The following ABCC4 variants were observed in gnomAD, a reference collection of about 807,000 sequenced individuals.
ABCC4 encodes ATP binding cassette subfamily C member 4 (PEL blood group), also known as ATP-binding cassette sub-family C member 4.
ABCC4 carries 102 observed loss-of-function variants against 168.5 expected under a neutral mutation model. That is an observed-to-expected ratio of 0.61 (90% CI 0.52 to 0.71). ABCC4 has a LOEUF of 0.71. Ranked by LOEUF, ABCC4 falls within the 30% of genes least tolerant of loss-of-function variation. The pLI is 0.00. For missense variants in ABCC4, 1,402 were observed against 1,605.8 expected (o/e 0.87, Z 2.17); for synonymous variants, 617 against 590.7 (o/e 1.04, Z -0.65).
chr13:95,064,482 CACAT>C (rs1402055633), intron 25 of ABCC4, among the ~76,000 whole-genome samples: 1 of 133,594 alleles, frequency 7.5e-6, no homozygotes, highest in African/African-American at 2.7e-5. Flanking sequence ...CTCTCTCACA[CACAT>C]ACACACACAC....
At chr13:95,124,979 A>G (rs531658745) in intron 19 of ABCC4, among the ~76,000 whole-genome samples, 17 of 152,290 alleles carry the variant, frequency 1.1e-4, no homozygotes, top group African/African-American at 3.4e-4. Context: ...CAAACCTAGA[A>G]GAGTGAACTC....
At chr13:95,152,062 C>T (rs899498) in intron 19 of ABCC4, among the ~76,000 whole-genome samples, 4 of 151,854 alleles carry the variant, frequency 2.6e-5, no homozygotes, top group African/African-American at 9.7e-5. Flanking sequence ...ACTAAACCCC[C>T]AAAAAAGTTA....
rs1320106844 is a variant in ABCC4 at position 95,053,127 on chromosome 13, T to G, written c.3424A>C (p.Thr1142Pro). ...RKNLDPFNEH[T>P]DEELWNALQE... ...AAGGCATTCCACAGTTCCTCATCCGTGTGCTCATTAAAGGGATCCAGGTTT... is the reference window on the plus strand; with the variant it reads ...AAGGCATTCCACAGTTCCTCATCCGGGTGCTCATTAAAGGGATCCAGGTTT... Residue 1142 changes from threonine (T) to proline (P), a missense_variant, in exon 27 of 31, where the codon ACG becomes CCG. This residue lies in a region of ABCC4 where 1,007 missense variants were observed against 1,127.3 expected (regional missense o/e 0.89). Coordinates refer to ENST00000645237, the MANE Select transcript of ABCC4 (RefSeq NM_005845.5). The G allele has an allele frequency of 1.2e-6, 2 of 1,614,166 alleles. No homozygotes were observed. The highest frequency in any genetic ancestry group is 8.5e-7 in the Non-Finnish European group (1 of 1,179,998).
chr13:95,176,227 G>GC (rs2037687973), intron 13 of ABCC4, among the ~76,000 whole-genome samples: 6 of 37,732 alleles, frequency 1.6e-4, no homozygotes, highest in African/African-American at 1.2e-3. Context: ...CGAGGGCAGG[G>GC]GGGGGGGGGG....
At chr13:95,054,505 G>A (rs997336433) in intron 26 of ABCC4, among the ~76,000 whole-genome samples, 4 of 151,528 alleles carry the variant, frequency 2.6e-5, no homozygotes, top group East Asian at 1.9e-4. Flanking sequence ...CCAAGATTCC[G>A]TCACTGCACT....
chr13:95,280,416 CAAAAA>C (rs10708482), intron 1 of ABCC4, among the ~76,000 whole-genome samples: 1 of 90,482 alleles, frequency 1.1e-5, no homozygotes, highest in Admixed American at 1.2e-4. Context: ...GACTCCATCT[CAAAAA>C]AAAAAAAAAA....
Position 95,161,164 on chromosome 13 carries a change from C to A in ABCC4, c.2455+25G>T, listed in dbSNP as rs146286020. ...ATGTGTTGTTAACAAGACATACTTA[C>A]TGAGAAACTTGGTGTCAGACTTACC... On this transcript the variant is annotated intron_variant, in intron 19 of 30. Transcript: ENST00000645237. 106 of 1,563,342 alleles carry A rather than the reference C, an allele frequency of 6.8e-5. No homozygotes were observed. In the African/African-American group the frequency reaches 1.2e-3, roughly 17 times the overall value.
chr13:95,259,944 C>A (rs1452810059), intron 1 of ABCC4, among the ~76,000 whole-genome samples: 1 of 152,094 alleles, frequency 6.6e-6, no homozygotes, highest in East Asian at 1.9e-4. Context: ...AACATCCCAG[C>A]TCACGAGACT....
chr13:95,220,677 C>G (rs142581979), intron 4 of ABCC4, among the ~76,000 whole-genome samples: 91 of 152,282 alleles, frequency 6.0e-4, no homozygotes, highest in East Asian at 3.7e-3. Flanking sequence ...GAAAAATGCA[C>G]AGAGAGAGGA....
chr13:95,095,328 ATCTAT>A (rs2034558659), intron 20 of ABCC4, among the ~76,000 whole-genome samples: 1 of 151,442 alleles, frequency 6.6e-6, no homozygotes, highest in African/African-American at 2.4e-5. Flanking sequence ...CTATCTATCT[ATCTAT>A]CTATCTGATG....
At chr13:95,159,252 C>T (rs2037005515) in intron 19 of ABCC4, among the ~76,000 whole-genome samples, 1 of 150,814 alleles carries the variant, frequency 6.6e-6, no homozygotes, top group Non-Finnish European at 1.5e-5. Flanking sequence ...TTTAATTCTA[C>T]CATTAAAAAA....
intron 4 of ABCC4, among the ~76,000 whole-genome samples, chr13:95,218,750 C>A (rs181423949): frequency 6.6e-6 from 1 of 151,688 alleles, no homozygotes; most frequent in African/African-American, 2.4e-5. Context: ...ACTCAGGAGG[C>A]TGAGGTGGAA....
intron 19 of ABCC4, among the ~76,000 whole-genome samples, chr13:95,136,902 C>T (rs1284879902): frequency 6.6e-6 from 1 of 152,244 alleles, no homozygotes; most frequent in Non-Finnish European, 1.5e-5. Flanking sequence ...TTCCCACATT[C>T]ATCACATTCG....
intron 8 of ABCC4, among the ~76,000 whole-genome samples, chr13:95,200,210 A>G (rs1010638840): frequency 3.0e-4 from 46 of 152,334 alleles, no homozygotes; most frequent in African/African-American, 1.0e-3. Context: ...AGAGTCAATG[A>G]CTAAGTGAAT....
chr13:95,282,442 A>G (rs371544244), intron 1 of ABCC4, among the ~76,000 whole-genome samples: 2 of 152,236 alleles, frequency 1.3e-5, no homozygotes, highest in African/African-American at 4.8e-5. Flanking sequence ...TGTTTAATGA[A>G]ACAGAATCGA....
chr13:95,104,788 C>T (rs1347581477), intron 20 of ABCC4, among the ~76,000 whole-genome samples: 1 of 152,138 alleles, frequency 6.6e-6, no homozygotes, highest in Non-Finnish European at 1.5e-5. Flanking sequence ...ATGGGGTCCG[C>T]CAGAGGCAGC....
At chr13:95,165,833 G>A (rs1037659909) in intron 15 of ABCC4, among the ~76,000 whole-genome samples, 1 of 152,118 alleles carries the variant, frequency 6.6e-6, no homozygotes, top group Non-Finnish European at 1.5e-5. Flanking sequence ...GAAGTCGGGG[G>A]CCACCAGACT....
intron 26 of ABCC4, among the ~76,000 whole-genome samples, chr13:95,062,426 A>T (rs1387430342): frequency 6.6e-6 from 1 of 152,072 alleles, no homozygotes; most frequent in Non-Finnish European, 1.5e-5. Flanking sequence ...CTTTATGGTT[A>T]TCAGTGGATA....
chr13:95,029,057 A>C (rs2031682148), intron 30 of ABCC4, among the ~76,000 whole-genome samples: 1 of 151,544 alleles, frequency 6.6e-6, no homozygotes, highest in Non-Finnish European at 1.5e-5. Flanking sequence ...AATCCCAGCT[A>C]CTCAGGAGGC....
Sources: gnomAD v4.1 joint callset for allele counts (sites outside exome capture counted in the v4.1 genomes callset) on GRCh38, gnomAD v4.1.1 for gene constraint, gnomAD v4.1.1 regional missense constraint, MANE v1.5 for transcripts, NCBI Gene and HGNC (gene_info 2026-07-23, HGNC 2026-07-21) for gene names.